The following TARM1 variants were observed in gnomAD, a reference collection of about 807,000 sequenced individuals.
TARM1 encodes T cell-interacting, activating receptor on myeloid cells 1.
Under a neutral mutation model 30.4 loss-of-function variants are expected in TARM1, and 24 were observed. The ratio of observed to expected loss-of-function variants is 0.79; its 90% CI spans 0.57 to 1.11. TARM1 has a LOEUF of 1.11. Ranked by LOEUF, TARM1 falls within the 50% of genes least tolerant of loss-of-function variation. The pLI, the probability that TARM1 is intolerant of heterozygous loss-of-function variation, is 0.00. For synonymous variants in TARM1, 129 were observed against 138.9 expected (o/e 0.93, Z 0.50); for missense variants, 323 against 332.8 (o/e 0.97, Z 0.23).
At chr19:54,075,473 CCT>C (rs1200810296) in intron 2 of TARM1, among the ~76,000 whole-genome samples, 1 of 151,380 alleles carries the variant, frequency 6.6e-6, no homozygotes, top group African/African-American at 2.4e-5. Context: ...GGCGTGAACC[CCT>C]GAGCCCAATC....
intron 4 of TARM1, among the ~76,000 whole-genome samples, chr19:54,072,634 A>G (rs11666109): frequency 0.71 from 107,158 of 151,832 alleles, 38,041 homozygotes; most frequent in East Asian, 0.89. Flanking sequence ...CTGAGCCACC[A>G]CACATGACTG....
At chr19:54,073,650 T>C (rs777262724) in intron 4 of TARM1, among the ~76,000 whole-genome samples, 1 of 151,632 alleles carries the variant, frequency 6.6e-6, no homozygotes, top group African/African-American at 2.4e-5. Context: ...CATGCCATCA[T>C]ACCTGGCTAA....
At chr19:54,073,407 CAAAAAAAAAA>C (rs745643672) in intron 4 of TARM1, among the ~76,000 whole-genome samples, 4 of 66,080 alleles carry the variant, frequency 6.1e-5, no homozygotes, top group Non-Finnish European at 7.7e-5. Flanking sequence ...GACTCCATTT[CAAAAAAAAAA>C]AAAAAAAAAA....
Position 54,075,911 on chromosome 19 carries a change from G to T in TARM1, c.42C>A (p.Cys14Ter), listed in dbSNP as rs899888207. The part of the protein sequence containing the change: ...KLLSLLCFRL[C>*]VGQGDTRGDG... The stretch of plus-strand genomic sequence containing the variant: ...CTCCCCTTGTGTCTCCTTGGCCCAC[G>T]CACAGTCCTGCAAGACAATCCTCCG... The change falls in exon 2 of 5, where the codon TGC becomes TGA. Residue 14 changes from cysteine (C) to a stop codon, truncating the protein, a stop_gained. Transcript: ENST00000432826. LOFTEE classifies it high-confidence loss of function. The T allele has an allele frequency of 6.4e-7, 1 of 1,551,136 alleles. No homozygotes were observed. The highest frequency in any genetic ancestry group is 8.7e-7 in the Non-Finnish European group (1 of 1,146,958).
Position 54,074,033 on chromosome 19 carries a change from G to T in TARM1, c.545C>A (p.Ser182Tyr). ...QSPAGKEIDF[S>Y]LVDVTAGDAG... The stretch of plus-strand genomic sequence containing the variant: ...ATCGCCGGCTGTCACGTCCACCAGA[G>T]AGAAGTCTATCTCCTTCCCCGCTGG... The change falls in exon 4 of 5, where the codon TCT (serine) becomes TAT (tyrosine). Residue 182 changes from serine to tyrosine, a missense_variant. Transcript: ENST00000432826. The T allele has an allele frequency of 6.4e-7, 1 of 1,551,666 alleles. No homozygotes were observed. The highest frequency in any genetic ancestry group is 8.7e-7 in the Non-Finnish European group (1 of 1,146,986).
chr19:54,076,161 C>T, intron 1 of TARM1: 1 of 1,492,848 alleles, frequency 6.7e-7, no homozygotes, highest in South Asian at 1.3e-5. Flanking sequence ...TGCTCCAGGC[C>T]TTTCCCACAA....
At chr19:54,079,157 G>T (rs587660311) in intron 1 of TARM1, among the ~76,000 whole-genome samples, 2 of 151,112 alleles carry the variant, frequency 1.3e-5, no homozygotes, top group African/African-American at 4.9e-5. Context: ...CCAGCTACTC[G>T]GGAGGGAGAG....
chr19:54,074,033 G>A lies in TARM1; in HGVS notation c.545C>T (p.Ser182Phe), dbSNP rs1478096920. Residue 182 changes from serine to phenylalanine, a missense_variant, in exon 4 of 5, where the codon TCT (serine) becomes TTT (phenylalanine). Transcript: ENST00000432826. ...QSPAGKEIDF[S>F]LVDVTAGDAG... ...ATCGCCGGCTGTCACGTCCACCAGA[G>A]AGAAGTCTATCTCCTTCCCCGCTGG... 2.6e-6 allele frequency: 4 copies of A among 1,551,548 alleles called. No individual in the cohort carries two copies. The African/African-American group carries it at 5.5e-5, about 21-fold the overall frequency.
chr19:54,080,132 G>GA (rs2072073272), intron 1 of TARM1, among the ~76,000 whole-genome samples: 2,028 of 51,748 alleles, frequency 0.039, 344 homozygotes, highest in Middle Eastern at 0.088. Context: ...AGGAAGGAAG[G>GA]AAGGAAGAAA....
rs111659747 is a variant in TARM1, at chr19:54,071,016, G to C, written c.659-856C>G. Reference sequence around the variant, plus strand: ...TCTGTTGCTCAGGCTGGAGTGCAGCGACGCAGTCTCGGTTCACTGCAACCT... The same window carrying C: ...TCTGTTGCTCAGGCTGGAGTGCAGCCACGCAGTCTCGGTTCACTGCAACCT... On this transcript the variant is annotated intron_variant, in intron 4 of 4. Coordinates refer to ENST00000432826, the MANE Select transcript of TARM1 (RefSeq NM_001135686.3). Among the ~76,000 whole-genome samples the C allele has an allele frequency of 9.8e-3, 1,488 of 152,108 alleles. 24 individuals carry two copies. The highest frequency in any genetic ancestry group is 0.033 in the African/African-American group (1,384 of 41,506).
At chr19:54,075,654 G>A (rs1367956085) in intron 2 of TARM1, among the ~76,000 whole-genome samples, 10 of 151,694 alleles carry the variant, frequency 6.6e-5, no homozygotes, top group African/African-American at 2.4e-4. Context: ...TTAGCTGGGC[G>A]TGGTGGCAAG....
chr19:54,073,941 G>A lies in TARM1; in HGVS notation c.637C>T (p.Gln213Ter), dbSNP rs1320642339. 11 of 1,551,512 alleles carry A rather than the reference G, an allele frequency of 7.1e-6. No homozygotes were observed. The South Asian group carries it at 1.3e-4, about 18-fold the overall frequency. ...TTACCTGTCACCAATATCTCAAGCT[G>A]ATCACTGGGTTCTGAGGCCCAGAAG... is the stretch of plus-strand genomic sequence containing the variant. ...SPFWASEPSD[Q>*]LEILVTVPPG... is the part of the protein sequence containing the mutation. The change falls in exon 4 of 5, where the codon CAG (glutamine) becomes TAG (stop). Residue 213 changes from glutamine to a stop codon, truncating the protein, a stop_gained. Coordinates refer to ENST00000432826, the MANE Select transcript of TARM1 (RefSeq NM_001135686.3). LOFTEE classifies it high-confidence loss of function.
In TARM1 at chr19:54,071,379, T is replaced by C. The variant is rs74958126; in HGVS notation, c.659-1219A>G. On this transcript the variant is annotated intron_variant, in intron 4 of 4. Coordinates refer to ENST00000432826, the MANE Select transcript of TARM1 (RefSeq NM_001135686.3). The stretch of plus-strand genomic sequence containing the variant: ...TTTATCCCATTTCCACCTTCCCACA[T>C]TGCCTTTTCTCCTCCCGCATCCTTA... Among the ~76,000 whole-genome samples the C allele has an allele frequency of 3.9e-3, 593 of 152,318 alleles. 5 individuals carry two copies. The highest frequency in any genetic ancestry group is 0.014 in the African/African-American group (572 of 41,576).
intron 1 of TARM1, among the ~76,000 whole-genome samples, chr19:54,078,103 T>C (rs750658420): frequency 1.9e-4 from 29 of 151,998 alleles, no homozygotes; most frequent in East Asian, 7.7e-4. Flanking sequence ...GTCAGGCTGG[T>C]CTTGAACTCC....
rs181727254 is a variant in TARM1, at chr19:54,074,845, C to T, written c.340G>A (p.Val114Ile). 2.5e-4 allele frequency: 386 copies of T among 1,551,532 alleles called. No homozygotes were observed. The African/African-American group carries it at 4.1e-3, about 16-fold the overall frequency. Residue 114 changes from valine to isoleucine, a missense_variant, in exon 3 of 5, where the codon GTC becomes ATC. By Grantham distance (29) the Val-to-Ile change is conservative. Coordinates refer to ENST00000432826, the MANE Select transcript of TARM1 (RefSeq NM_001135686.3). ...SPHILSQHSD[V>I]LLLLVTGHLS... ...GTACCTGTCACCAACAGTAGAAGGA[C>T]GTCACTGTGCTGTGAAAGGATGTGG...
intron 4 of TARM1, among the ~76,000 whole-genome samples, chr19:54,071,869 A>AT (rs1323900038): frequency 6.7e-6 from 1 of 149,914 alleles, no homozygotes; most frequent in East Asian, 2.0e-4. Context: ...TAGCCTCCAG[A>AT]TTTTCAGGGA....
At chr19:54,080,128 G>GAAAGA (rs2072072082) in intron 1 of TARM1, among the ~76,000 whole-genome samples, 633 of 38,584 alleles carry the variant, frequency 0.016, 102 homozygotes, top group Non-Finnish European at 0.018. Flanking sequence ...AGGAAGGAAG[G>GAAAGA]AAGGAAGGAA....
Position 54,074,041 on chromosome 19 carries a change from T to C in TARM1, c.537A>G (p.Ile179Met). 1 of 1,551,684 alleles carries C rather than the reference T, an allele frequency of 6.4e-7. No homozygotes were observed. The highest frequency in any genetic ancestry group is 8.7e-7 in the Non-Finnish European group (1 of 1,146,986). The part of the protein sequence containing the change: ...IQLQSPAGKE[I>M]DFSLVDVTAG... ...CTGTCACGTCCACCAGAGAGAAGTC[T>C]ATCTCCTTCCCCGCTGGACTCTGCA... Residue 179 changes from isoleucine to methionine, a missense_variant, in exon 4 of 5, where the codon ATA (isoleucine) becomes ATG (methionine). Coordinates refer to ENST00000432826, the MANE Select transcript of TARM1 (RefSeq NM_001135686.3).
At chr19:54,071,930 T>C (rs2071822808) in intron 4 of TARM1, among the ~76,000 whole-genome samples, 1 of 151,668 alleles carries the variant, frequency 6.6e-6, no homozygotes, top group Non-Finnish European at 1.5e-5. Flanking sequence ...CAGTGGCTCA[T>C]GCCTGTAATC....
Sources: allele counts gnomAD v4.1 joint callset (sites outside exome capture counted in the v4.1 genomes callset), GRCh38; gene constraint gnomAD v4.1.1; transcripts MANE v1.5; gene names NCBI Gene and HGNC (gene_info 2026-07-23, HGNC 2026-07-21).